Variants in NEBL observed in about 807,000 individuals in gnomAD.
NEBL encodes the protein LIM and SH3 protein 2.
In NEBL, 122 loss-of-function variants were observed where a neutral mutation model predicts 140.2. The ratio of observed to expected loss-of-function variants is 0.87; its 90% confidence interval spans 0.75 to 1.01. The LOEUF is 1.01. Ranked by LOEUF, NEBL falls within the 50% of genes least tolerant of loss-of-function variation. The pLI, the probability that NEBL is intolerant of heterozygous loss-of-function variation, is 0.00. For synonymous variants in NEBL, 436 were observed against 398.9 expected (o/e 1.09, Z -1.11); for missense variants, 1,365 against 1,231.3 (o/e 1.11, Z -1.62).
chr10:20,950,511 C>T (rs1835405441), intron 4 of NEBL, among the ~76,000 whole-genome samples: 2 of 152,192 alleles, frequency 1.3e-5, no homozygotes, highest in South Asian at 4.1e-4. Flanking sequence ...AACCGAGGCC[C>T]TCATGCATCC....
intron 14 of NEBL, 150 bp from the exon 15 acceptor site, chr10:20,831,733 C>A: frequency 3.2e-6 from 2 of 633,382 alleles, no homozygotes; most frequent in South Asian, 3.9e-5. Flanking sequence ...AGAGTTTTTA[C>A]TTGTGGTAGG....
intron 2 of NEBL, among the ~76,000 whole-genome samples, chr10:21,132,146 A>G (rs1011335713): frequency 2.0e-5 from 3 of 152,108 alleles, no homozygotes; most frequent in Non-Finnish European, 2.9e-5. Context: ...CATTATCCCT[A>G]TTCTCCAAGA....
chr10:20,849,869 C>T (rs1842336179), intron 11 of NEBL, among the ~76,000 whole-genome samples: 1 of 152,138 alleles, frequency 6.6e-6, no homozygotes, highest in African/African-American at 2.4e-5. Flanking sequence ...TCAGTAGACA[C>T]ATTCTTAATC....
chr10:21,189,451 C>CT (rs1033590578), intron 3 of NEBL, among the ~76,000 whole-genome samples: 8 of 151,672 alleles, frequency 5.3e-5, no homozygotes, highest in Admixed American at 6.6e-5. Flanking sequence ...TCTGTTGTTG[C>CT]TTTTTTTTGG....
chr10:21,180,203 A>G (rs1841366096), intron 3 of NEBL, among the ~76,000 whole-genome samples: 1 of 152,106 alleles, frequency 6.6e-6, no homozygotes, highest in Admixed American at 6.5e-5. Context: ...CTGAAGGAAC[A>G]TGCCCCTCAG....
intron 2 of NEBL, among the ~76,000 whole-genome samples, chr10:21,040,518 C>T (rs866049033): frequency 1.3e-5 from 2 of 152,110 alleles, no homozygotes; most frequent in South Asian, 4.2e-4. Flanking sequence ...GAAGGAGATG[C>T]CAGACTCCTT....
At chr10:21,249,014 G>GTGTTTC (rs1842553526) in intron 2 of NEBL, among the ~76,000 whole-genome samples, 1 of 151,338 alleles carries the variant, frequency 6.6e-6, no homozygotes, top group Non-Finnish European at 1.5e-5. Context: ...TCATTTTTGG[G>GTGTTTC]TGTTTTTGTT....
chr10:20,936,730 C>A (rs556776338), intron 4 of NEBL, among the ~76,000 whole-genome samples: 1 of 152,178 alleles, frequency 6.6e-6, no homozygotes, highest in Non-Finnish European at 1.5e-5. Flanking sequence ...AGGATTACCA[C>A]TCATTATAGT....
intron 2 of NEBL, among the ~76,000 whole-genome samples, chr10:21,039,756 T>C (rs1402970264): frequency 6.6e-6 from 1 of 152,230 alleles, no homozygotes; most frequent in African/African-American, 2.4e-5. Context: ...TTTTGTGTGA[T>C]GCCCTTTAAC....
chr10:20,981,334 A>G (rs1338921324), intron 3 of NEBL, among the ~76,000 whole-genome samples: 1 of 152,172 alleles, frequency 6.6e-6, no homozygotes. Context: ...TCTAATGTTG[A>G]CTTCACAAAC....
At chr10:21,164,465 A>G (rs755260985) in intron 2 of NEBL, among the ~76,000 whole-genome samples, 1 of 152,202 alleles carries the variant, frequency 6.6e-6, no homozygotes, top group Non-Finnish European at 1.5e-5. Context: ...CATAATCAAT[A>G]TACCTTTAAG....
chr10:21,040,337 CA>C (rs61477654), intron 2 of NEBL, among the ~76,000 whole-genome samples: 131,106 of 151,440 alleles, frequency 0.87, 56,778 homozygotes, highest in East Asian at 0.98. Flanking sequence ...AGACTCCATT[CA>C]AAAAAAAAAG....
At position 20,785,759 on chromosome 10, in the gene NEBL, C is replaced by T. The variant is rs555343962; in HGVS notation, c.3033G>A (p.Glu1011=). 1.9e-6 allele frequency: 3 copies of T among 1,613,784 alleles called. No individual in the cohort carries two copies. Among genetic ancestry groups the T allele is most frequent in the East Asian group, 4.5e-5 (2 of 44,812 alleles). The change falls in exon 28 of 28, where the codon GAG becomes GAA. Residue 1011 remains glutamate, a synonymous_variant. Transcript: ENST00000377122. ...CAGGGAGAAATAATTAATTAACAAA[C>T]TCAATGTAATTCGCTGGGAGCATTC... ...RTGMLPANYI[E]FVN
At position 20,858,248 on chromosome 10, in the gene NEBL, G is replaced by C; in HGVS notation, c.895C>G (p.Leu299Val). 2 of 1,601,898 alleles carry C rather than the reference G, an allele frequency of 1.2e-6. No homozygotes were observed. Among genetic ancestry groups the C allele is most frequent in the Non-Finnish European group, 1.7e-6 (2 of 1,168,922 alleles). The part of the protein sequence containing the change: ...LDHVLKASKM[L>V]SGREYKKLFE... ...CTAGATGAACCACTTACGCCGCTGA[G>C]CATTTTGCTGGCTTTCAAAACATGG... Residue 299 changes from leucine to valine, a missense_variant, in exon 9 of 28, where the codon CTC (leucine) becomes GTC (valine). Leu to Val is a conservative substitution (Grantham distance 32, BLOSUM62 1). Transcript: ENST00000377122.
At chr10:21,100,857 CT>C (rs1837445241) in intron 2 of NEBL, among the ~76,000 whole-genome samples, 1 of 152,232 alleles carries the variant, frequency 6.6e-6, no homozygotes, top group Non-Finnish European at 1.5e-5. Flanking sequence ...AATGACTAAA[CT>C]ATTATCCATT....
chr10:21,104,412 A>T, intron 2 of NEBL, among the ~76,000 whole-genome samples: 1 of 152,200 alleles, frequency 6.6e-6, no homozygotes, highest in East Asian at 1.9e-4. Context: ...TTTTTCCAGC[A>T]ACATTTTGTA....
chr10:20,980,546 C>T (rs1836996672), intron 3 of NEBL, among the ~76,000 whole-genome samples: 1 of 152,144 alleles, frequency 6.6e-6, no homozygotes, highest in Admixed American at 6.6e-5. Context: ...ATGGTACAAA[C>T]AGTGCAGGTA....
At chr10:21,124,841 G>T (rs754455393) in intron 2 of NEBL, among the ~76,000 whole-genome samples, 2 of 152,194 alleles carry the variant, frequency 1.3e-5, no homozygotes, top group Non-Finnish European at 2.9e-5. Context: ...TGCACCTGTA[G>T]TCCCAGCTAC....
chr10:20,823,412 T>A, intron 18 of NEBL, 112 bp from the exon 19 acceptor site: 1 of 763,094 alleles, frequency 1.3e-6, no homozygotes, highest in Non-Finnish European at 2.1e-6. Context: ...ATTCCAACAT[T>A]ACTTTTCCTT....
Sources: allele counts gnomAD v4.1 joint callset (sites outside exome capture counted in the v4.1 genomes callset), GRCh38; gene constraint gnomAD v4.1.1; transcripts MANE v1.5; gene names NCBI Gene and HGNC (gene_info 2026-07-23, HGNC 2026-07-21).